The following MYO3B variants were observed in gnomAD, a reference collection of about 807,000 sequenced individuals.
MYO3B encodes the protein myosin IIIB, also known as myosin-IIIb.
MYO3B carries 156 observed loss-of-function variants against 174.6 expected under a neutral mutation model. The observed-to-expected ratio is 0.89, with a 90% CI of 0.78 to 1.02. The LOEUF is 1.02. Ranked by LOEUF, MYO3B falls within the 50% of genes least tolerant of loss-of-function variation. The pLI, the probability that MYO3B is intolerant of heterozygous loss-of-function variation, is 0.00. For missense variants in MYO3B, 1,632 were observed against 1,639.4 expected (o/e 1.00, Z 0.08); for synonymous variants, 563 against 569.1 (o/e 0.99, Z 0.15).
At chr2:170,539,787 G>GT (rs1039133531) in intron 30 of MYO3B, among the ~76,000 whole-genome samples, 5 of 151,576 alleles carry the variant, frequency 3.3e-5, no homozygotes, top group Admixed American at 2.6e-4. Flanking sequence ...GGCCCGGCTA[G>GT]TTTTTTGTAT....
chr2:170,541,055 A>G (rs1690074102), intron 30 of MYO3B, among the ~76,000 whole-genome samples: 1 of 152,194 alleles, frequency 6.6e-6, no homozygotes, highest in South Asian at 2.1e-4. Flanking sequence ...CGATTCTTCC[A>G]AAGGCTTGAA....
intron 22 of MYO3B, among the ~76,000 whole-genome samples, chr2:170,417,960 TG>T (rs2094591722): frequency 6.6e-6 from 1 of 152,080 alleles, no homozygotes; most frequent in Non-Finnish European, 1.5e-5. Flanking sequence ...TGGGAGGGAA[TG>T]GGGGATTGGG....
chr2:170,526,237 G>A (rs984691917), intron 30 of MYO3B, among the ~76,000 whole-genome samples: 1 of 152,162 alleles, frequency 6.6e-6, no homozygotes, highest in Non-Finnish European at 1.5e-5. Flanking sequence ...TGGGAGGACT[G>A]GAGATAATCA....
At chr2:170,290,592 T>G (rs894784385) in intron 7 of MYO3B, among the ~76,000 whole-genome samples, 9 of 152,176 alleles carry the variant, frequency 5.9e-5, no homozygotes, top group African/African-American at 2.2e-4. Flanking sequence ...AGTAGGTTTC[T>G]TCAAGGCAGC....
At chr2:170,628,903 A>T (rs1696699843) in intron 32 of MYO3B, among the ~76,000 whole-genome samples, 1 of 152,058 alleles carries the variant, frequency 6.6e-6, no homozygotes, top group Non-Finnish European at 1.5e-5. Context: ...TATAACTCTG[A>T]TCAGGTCTGG....
chr2:170,303,682 A>T (rs1213837529), intron 7 of MYO3B, among the ~76,000 whole-genome samples: 1 of 152,148 alleles, frequency 6.6e-6, no homozygotes, highest in African/African-American at 2.4e-5. Context: ...TGTTCAATAT[A>T]AAATACTGTG....
chr2:170,199,392 G>T lies in MYO3B; in HGVS notation c.186+1G>T. ...AGTGAAAATTCTGGATCCAGTCAGT[G>T]TAAGTAACAGTTGTAAATTATAACC... is the stretch of plus-strand genomic sequence containing the variant. On this transcript the variant is annotated splice_donor_variant, in intron 2 of 34. Transcript: ENST00000408978. LOFTEE classifies it high-confidence loss of function. The T allele has an allele frequency of 5.7e-6, 9 of 1,591,390 alleles. No individual in the cohort carries two copies. The highest frequency in any genetic ancestry group is 7.7e-6 in the Non-Finnish European group (9 of 1,169,720).
intron 7 of MYO3B, among the ~76,000 whole-genome samples, chr2:170,306,345 A>T (rs2093700704): frequency 6.6e-6 from 1 of 152,196 alleles, no homozygotes; most frequent in East Asian, 1.9e-4. Context: ...CCACCTCTTA[A>T]TGGGAAAAGT....
intron 22 of MYO3B, among the ~76,000 whole-genome samples, chr2:170,432,889 T>C (rs1307208120): frequency 6.6e-6 from 1 of 152,172 alleles, no homozygotes; most frequent in African/African-American, 2.4e-5. Flanking sequence ...AAGAAATCTT[T>C]TGTATAAATT....
chr2:170,178,249 C>G lies in MYO3B; in HGVS notation c.-39C>G, dbSNP rs778751580. ...TGCTGGTTTTTGGAGGAATGAGAAT[C>G]CAATCTCTCATAAGCCGGATTCAGA... On this transcript the variant is annotated 5_prime_UTR_variant, in exon 1 of 35. In the 5' UTR this introduces an upstream ATG that the reference lacks. Transcript: ENST00000408978. 45 of 1,613,686 alleles carry G rather than the reference C, an allele frequency of 2.8e-5. No individual in the cohort carries two copies. The African/African-American group carries it at 5.9e-4, about 21-fold the overall frequency.
intron 8 of MYO3B, chr2:170,348,597 A>G (rs2105589118): frequency 6.6e-6 from 1 of 152,254 alleles, no homozygotes; most frequent in East Asian, 1.9e-4. Flanking sequence ...TCACCTGGAT[A>G]TATGAAGAAA....
chr2:170,620,640 C>T, intron 32 of MYO3B, among the ~76,000 whole-genome samples: 1 of 152,184 alleles, frequency 6.6e-6, no homozygotes, highest in East Asian at 1.9e-4. Context: ...CATTGGTTAC[C>T]CTTGTCCCCA....
Position 170,357,223 on chromosome 2 carries a change from C to T in MYO3B, c.816-11999C>T, listed in dbSNP as rs1574843452. Among the ~76,000 whole-genome samples, 3 of 151,562 alleles carry T rather than the reference C, an allele frequency of 2.0e-5. No individual in the cohort carries two copies. The East Asian group carries it at 5.8e-4, about 29-fold the overall frequency. On this transcript the variant is annotated intron_variant, in intron 8 of 34. Transcript: ENST00000408978. ...TCAGGAAGCTGAGGCAGGAGAATCC[C>T]TTGAACCTGGGAGGCGGAGGTTGCA...
chr2:170,388,167 C>A (rs2094389371), intron 14 of MYO3B, among the ~76,000 whole-genome samples: 1 of 152,070 alleles, frequency 6.6e-6, no homozygotes, highest in Admixed American at 6.6e-5. Context: ...CTGCTGTTTG[C>A]CAGTGCTGTG....
chr2:170,534,943 G>A (rs544116972), intron 30 of MYO3B, among the ~76,000 whole-genome samples: 28 of 152,230 alleles, frequency 1.8e-4, no homozygotes, highest in African/African-American at 6.0e-4. Flanking sequence ...CGTATTCAGG[G>A]ATATCAATTC....
chr2:170,393,903 G>C (rs2094429723), intron 16 of MYO3B, among the ~76,000 whole-genome samples: 1 of 152,226 alleles, frequency 6.6e-6, no homozygotes, highest in African/African-American at 2.4e-5. Context: ...CATTGTTAAA[G>C]GACCTTTGTG....
intron 9 of MYO3B, among the ~76,000 whole-genome samples, chr2:170,374,853 C>T (rs943060811): frequency 2.0e-5 from 3 of 151,414 alleles, no homozygotes; most frequent in African/African-American, 4.9e-5. Flanking sequence ...TGATATTGTA[C>T]TATTTGAGAT....
intron 30 of MYO3B, chr2:170,519,850 G>A: frequency 4.0e-6 from 1 of 251,194 alleles, no homozygotes; most frequent in Non-Finnish European, 7.8e-6. Flanking sequence ...GCATGTGCCT[G>A]TAATCCCAGC....
chr2:170,295,419 T>C (rs2093623180), intron 7 of MYO3B, among the ~76,000 whole-genome samples: 2 of 151,966 alleles, frequency 1.3e-5, no homozygotes, highest in Non-Finnish European at 2.9e-5. Flanking sequence ...ATTTATATTA[T>C]TTTAGTGGAT....
Sources: allele counts gnomAD v4.1 joint callset (sites outside exome capture counted in the v4.1 genomes callset), GRCh38; gene constraint gnomAD v4.1.1; transcripts MANE v1.5; gene names NCBI Gene and HGNC (gene_info 2026-07-23, HGNC 2026-07-21).